Variants in TENM3 observed in about 807,000 individuals in gnomAD.
The protein encoded by TENM3 is teneurin transmembrane protein 3.
In TENM3, 63 loss-of-function variants were observed where a neutral mutation model predicts 255.1. The ratio of observed to expected loss-of-function variants is 0.25; its 90% CI spans 0.20 to 0.30. TENM3 has a LOEUF of 0.30. Ranked by LOEUF, TENM3 falls within the 10% of genes least tolerant of loss-of-function variation. The pLI is 1.00. For synonymous variants in TENM3, 1,306 were observed against 1,322.3 expected, an observed-to-expected ratio of 0.99 and a Z score of 0.27; for missense variants, 2,929 against 3,461.1, an observed-to-expected ratio of 0.85 and a Z score of 3.86.
the TENM3 span, among the ~76,000 whole-genome samples, chr4:181,578,560 G>A: frequency 4.6e-5 from 7 of 152,248 alleles, no homozygotes; most frequent in South Asian, 2.1e-4. Flanking sequence ...TGCTGAGATC[G>A]GACTCTGCCA....
chr4:182,115,179 TCAAAA>T, the TENM3 span, among the ~76,000 whole-genome samples: 1 of 152,096 alleles, frequency 6.6e-6, no homozygotes. Flanking sequence ...AGACTCTGTC[TCAAAA>T]ATAAAAATAA....
At chr4:182,682,912 C>T (rs1190843722) in intron 11 of TENM3, among the ~76,000 whole-genome samples, 1 of 151,994 alleles carries the variant, frequency 6.6e-6, no homozygotes, top group Non-Finnish European at 1.5e-5. Context: ...TAGTTTAATA[C>T]TATATTGAGT....
chr4:181,739,863 A>G, the TENM3 span, among the ~76,000 whole-genome samples: 1 of 152,168 alleles, frequency 6.6e-6, no homozygotes, highest in Non-Finnish European at 1.5e-5. Context: ...TTCTCTTCAC[A>G]ATTTTCAAGC....
chr4:181,781,759 C>T, the TENM3 span, among the ~76,000 whole-genome samples: 1 of 152,158 alleles, frequency 6.6e-6, no homozygotes, highest in East Asian at 1.9e-4. Flanking sequence ...GTGGCTTTGT[C>T]ATAGATAGCT....
chr4:182,167,108 A>G (rs986548672), intron 1 of TENM3, among the ~76,000 whole-genome samples: 11 of 152,220 alleles, frequency 7.2e-5, no homozygotes, highest in African/African-American at 2.7e-4. Flanking sequence ...GTATTTATGT[A>G]AAACCACTAA....
At chr4:182,417,662 G>T (rs1770491382) in intron 3 of TENM3, among the ~76,000 whole-genome samples, 1 of 151,994 alleles carries the variant, frequency 6.6e-6, no homozygotes, top group Admixed American at 6.6e-5. Context: ...CATCCTCAAG[G>T]GTCAAGAAGC....
At chr4:182,798,870 G>C (rs1766686725) in intron 27 of TENM3, among the ~76,000 whole-genome samples, 1 of 152,116 alleles carries the variant, frequency 6.6e-6, no homozygotes, top group Non-Finnish European at 1.5e-5. Context: ...GTTTTCATTT[G>C]GGAAACAATG....
At position 182,205,264 on chromosome 4, in the gene TENM3, C is replaced by T. The variant is rs1263794963; in HGVS notation, c.-76+60510C>T. ...CAACTGCTGCTTTGTGACTATTGCT[C>T]TCCTAACTAAAATAGTTGACGTAAG... is the stretch of plus-strand genomic sequence containing the variant. On this transcript the variant is annotated intron_variant, in intron 1 of 2. Transcript: ENST00000512480. 2.6e-5 allele frequency among the ~76,000 whole-genome samples: 4 copies of T among 152,254 alleles called. 1 individual carries two copies. Among genetic ancestry groups the T allele is most frequent in the African/African-American group, 9.6e-5 (4 of 41,474 alleles).
intron 16 of TENM3, among the ~76,000 whole-genome samples, chr4:182,735,411 C>T (rs938330968): frequency 1.3e-5 from 2 of 152,140 alleles, no homozygotes; most frequent in African/African-American, 4.8e-5. Context: ...AAGCTGACAG[C>T]TCCACCCTCA....
At chr4:182,701,593 T>C (rs1757883534) in intron 12 of TENM3, among the ~76,000 whole-genome samples, 1 of 152,096 alleles carries the variant, frequency 6.6e-6, no homozygotes, top group Non-Finnish European at 1.5e-5. Context: ...TACATTGGTA[T>C]AGATAAGGAA....
At chr4:181,634,384 C>CTT in the TENM3 span, among the ~76,000 whole-genome samples, 9 of 123,080 alleles carry the variant, frequency 7.3e-5, no homozygotes, top group South Asian at 7.8e-4. Context: ...TTTTTTAATT[C>CTT]TTTTTTTTTT....
chr4:182,171,659 T>G (rs1022358662), intron 1 of TENM3, among the ~76,000 whole-genome samples: 27 of 152,286 alleles, frequency 1.8e-4, no homozygotes, highest in African/African-American at 5.1e-4. Context: ...CACAACATAG[T>G]TCAGTGCCAA....
chr4:181,912,178 CA>C, the TENM3 span, among the ~76,000 whole-genome samples: 9 of 152,144 alleles, frequency 5.9e-5, no homozygotes, highest in Non-Finnish European at 8.8e-5. Context: ...GAGATTTCAG[CA>C]ATGAGGAAGG....
chr4:181,766,615 A>C, the TENM3 span, among the ~76,000 whole-genome samples: 1 of 152,110 alleles, frequency 6.6e-6, no homozygotes, highest in African/African-American at 2.4e-5. Context: ...TGTACCACCA[A>C]AAATGAGAGT....
At chr4:181,999,881 G>A in the TENM3 span, among the ~76,000 whole-genome samples, 1 of 152,098 alleles carries the variant, frequency 6.6e-6, no homozygotes, top group Admixed American at 6.6e-5. Flanking sequence ...GAAAAGAGCA[G>A]CAATTCATTA....
Position 182,729,103 on chromosome 4 carries a change from C to A in TENM3, c.2507C>A (p.Ser836Tyr), listed in dbSNP as rs1206238649. ...TCGCCTTCTCAGCAAGCTGCCAAAT[C>A]CTTTTATGATCGAATCAGTTTCCTT... ...LQSPSQQAAKSFYDRISFLIG... is the reference protein window; with the variant it reads ...LQSPSQQAAKYFYDRISFLIG... The change falls in exon 14 of 28, where the codon TCC (serine) becomes TAC (tyrosine). Residue 836 changes from serine (S) to tyrosine (Y), a missense_variant. This residue lies in a region of TENM3 where 1,608 missense variants were observed against 1,884.4 expected (regional missense o/e 0.85). Coordinates refer to ENST00000511685, the MANE Select transcript of TENM3 (RefSeq NM_001080477.4). 6.2e-7 allele frequency: 1 copy of A among 1,614,004 alleles called. No homozygotes were observed. Among genetic ancestry groups the A allele is most frequent in the South Asian group, 1.1e-5 (1 of 91,076 alleles).
At chr4:182,189,682 C>G (rs1753390815) in intron 1 of TENM3, among the ~76,000 whole-genome samples, 1 of 152,086 alleles carries the variant, frequency 6.6e-6, no homozygotes, top group South Asian at 2.1e-4. Context: ...AGGGTGTGGA[C>G]TGCAGTTTTT....
chr4:181,760,129 C>T, the TENM3 span, among the ~76,000 whole-genome samples: 1 of 152,144 alleles, frequency 6.6e-6, no homozygotes, highest in Non-Finnish European at 1.5e-5. Context: ...TAGAGATTTA[C>T]AGACCATATA....
chr4:182,282,759 G>A (rs1305165247), intron 1 of TENM3, among the ~76,000 whole-genome samples: 1 of 151,960 alleles, frequency 6.6e-6, no homozygotes, highest in East Asian at 1.9e-4. Context: ...TGGATGTGGT[G>A]GCACGCGCCT....
Sources: gnomAD v4.1 joint callset for allele counts (sites outside exome capture counted in the v4.1 genomes callset) on GRCh38, gnomAD v4.1.1 for gene constraint, gnomAD v4.1.1 regional missense constraint, MANE v1.5 for transcripts, NCBI Gene and HGNC (gene_info 2026-07-23, HGNC 2026-07-21) for gene names.